Variants in HS3ST3B1 observed in about 807,000 individuals in gnomAD.
The protein encoded by HS3ST3B1 is heparan sulfate-glucosamine 3-sulfotransferase 3B1.
HS3ST3B1 carries 13 observed loss-of-function variants against 21.3 expected under a neutral mutation model. That is an observed-to-expected ratio of 0.61 (90% CI 0.40 to 0.97). The LOEUF is 0.97. Ranked by LOEUF, HS3ST3B1 falls within the 50% of genes least tolerant of loss-of-function variation. The probability of loss-of-function intolerance (pLI) is 0.00; values close to 1 mark genes in which losing one functional copy is unlikely to be tolerated. For synonymous variants in HS3ST3B1, 234 were observed against 254.8 expected, an observed-to-expected ratio of 0.92 and a Z score of 0.78; for missense variants, 459 against 554.8, an observed-to-expected ratio of 0.83 and a Z score of 1.73.
chr17:14,327,447 CTCTGATCTTATCACATTTGTTGT>C (rs1346816930), intron 1 of HS3ST3B1: 3 of 152,158 alleles, frequency 2.0e-5, no homozygotes. Flanking sequence ...AAATAAGGAA[CTCTGATCTTATCACATTTGTTGT>C]GTGTTTTTGC....
intron 1 of HS3ST3B1, among the ~76,000 whole-genome samples, chr17:14,312,849 C>T (rs1177509469): frequency 6.6e-6 from 1 of 151,950 alleles, no homozygotes; most frequent in African/African-American, 2.4e-5. Flanking sequence ...AGGACCCCAC[C>T]CATGGAGACA....
Position 14,345,654 on chromosome 17 carries a change from C to G in HS3ST3B1, c.*8C>G, listed in dbSNP as rs1555550569. 11 of 1,612,824 alleles carry G rather than the reference C, an allele frequency of 6.8e-6. No individual in the cohort carries two copies. The highest frequency in any genetic ancestry group is 9.3e-6 in the Non-Finnish European group (11 of 1,179,116). ...GACTTTGGCTGGGATTGAGCAGACC[C>G]GGGCTATGTACCTTACCCACGTGGC... is the stretch of plus-strand genomic sequence containing the variant. On this transcript the variant is annotated 3_prime_UTR_variant, in exon 2 of 2. Transcript: ENST00000360954.
chr17:14,320,191 T>C (rs1346414142), intron 1 of HS3ST3B1, among the ~76,000 whole-genome samples: 9 of 152,148 alleles, frequency 5.9e-5, no homozygotes, highest in Admixed American at 5.9e-4. Context: ...AAACACAGTA[T>C]GGCATGATAC....
At chr17:14,328,077 G>A (rs1567640916) in intron 1 of HS3ST3B1, 3 of 152,200 alleles carry the variant, frequency 2.0e-5, no homozygotes, top group Admixed American at 6.5e-5. Flanking sequence ...TGAAGAATGG[G>A]AGATGAACGG....
In HS3ST3B1 at chr17:14,302,071, C is replaced by T. The variant is rs752901370; in HGVS notation, c.553C>T (p.Arg185Trp). 6.3e-7 allele frequency: 1 copy of T among 1,595,516 alleles called. No individual in the cohort carries two copies. The highest frequency in any genetic ancestry group is 1.1e-5 in the South Asian group (1 of 89,694). Residue 185 changes from arginine to tryptophan, a missense_variant and splice_region_variant, in exon 1 of 2, where the codon CGG (arginine) becomes TGG (tryptophan). Arg to Trp is a moderately radical substitution (Grantham distance 101). Around this residue, in one of 3 missense-constraint regions of HS3ST3B1, gnomAD observed 317 missense variants for 278.6 expected, o/e 1.14. Coordinates refer to ENST00000360954, the MANE Select transcript of HS3ST3B1 (RefSeq NM_006041.3). ...CTACGACAAGGGCCTCGCTTGGTAC[C>T]GGTGAGTTTCCCTGCCAGGGGCAGG... ...RSYDKGLAWY[R>W]DLMPRTLDGQ...
In HS3ST3B1 at chr17:14,345,855, C is replaced by A; in HGVS notation, c.*209C>A. On this transcript the variant is annotated 3_prime_UTR_variant, in exon 2 of 2. Coordinates refer to ENST00000360954, the MANE Select transcript of HS3ST3B1 (RefSeq NM_006041.3). ...TTTAACTCTAGTATTTCGTTCTCTTCTTCACAATTGATGGTGCTTCTATTT... is the reference window on the plus strand; with the variant it reads ...TTTAACTCTAGTATTTCGTTCTCTTATTCACAATTGATGGTGCTTCTATTT... The A allele has an allele frequency of 1.7e-6, 1 of 575,908 alleles. No individual in the cohort carries two copies. The highest frequency in any genetic ancestry group is 2.8e-6 in the Non-Finnish European group (1 of 351,852). 35.7% of individuals were successfully genotyped at this position (575,908 alleles called of 1,614,324 possible).
Position 14,345,019 on chromosome 17 carries a change from G to C in HS3ST3B1, c.555-9G>C. ...TTCTGATCCCGGTTTGTTTGCTTGC[G>C]TTTCTCAGGGACCTGATGCCCAGAA... On this transcript the variant is annotated splice_polypyrimidine_tract_variant and intron_variant, in intron 1 of 1. Transcript: ENST00000360954. 1 of 1,604,846 alleles carries C rather than the reference G, an allele frequency of 6.2e-7. No individual in the cohort carries two copies. Among genetic ancestry groups the C allele is most frequent in the Non-Finnish European group, 8.5e-7 (1 of 1,173,714 alleles).
At chr17:14,313,314 G>A (rs967346741) in intron 1 of HS3ST3B1, among the ~76,000 whole-genome samples, 11 of 151,404 alleles carry the variant, frequency 7.3e-5, no homozygotes, top group East Asian at 1.9e-4. Context: ...AACTTTATGC[G>A]CTCCACTGAG....
rs528751583 is a variant in HS3ST3B1 at position 14,311,371 on chromosome 17, G to A, written c.554+9299G>A. 1.2e-4 allele frequency among the ~76,000 whole-genome samples: 18 copies of A among 152,138 alleles called. No individual in the cohort carries two copies. The South Asian group carries it at 2.5e-3, about 21-fold the overall frequency. ...TGGAATTACAGGTGTGAGCCACCAC[G>A]CCAGACCCAGACCGTATTTTTAGAG... On this transcript the variant is annotated intron_variant, in intron 1 of 1. Transcript: ENST00000360954.
chr17:14,307,528 G>C (rs1010302245), intron 1 of HS3ST3B1, among the ~76,000 whole-genome samples: 8 of 152,070 alleles, frequency 5.3e-5, no homozygotes, highest in African/African-American at 4.8e-5. Context: ...AAGGTTTTCT[G>C]GTTATATGAA....
intron 1 of HS3ST3B1, among the ~76,000 whole-genome samples, chr17:14,342,930 C>G (rs1302644239): frequency 6.6e-6 from 1 of 152,026 alleles, no homozygotes; most frequent in Non-Finnish European, 1.5e-5. Flanking sequence ...ATATTTTGAT[C>G]TACGTTTACA....
intron 1 of HS3ST3B1, among the ~76,000 whole-genome samples, chr17:14,305,860 A>T (rs1231602897): frequency 1.3e-5 from 2 of 152,160 alleles, no homozygotes; most frequent in African/African-American, 4.8e-5. Context: ...TTTAATCCTC[A>T]TTACAGTTCT....
intron 1 of HS3ST3B1, among the ~76,000 whole-genome samples, chr17:14,317,924 C>T (rs1909547628): frequency 1.3e-5 from 2 of 152,054 alleles, no homozygotes; most frequent in Non-Finnish European, 2.9e-5. Flanking sequence ...GCAGAAAACA[C>T]ATAGATGGTT....
At chr17:14,318,387 C>A (rs1909563664) in intron 1 of HS3ST3B1, among the ~76,000 whole-genome samples, 1 of 152,192 alleles carries the variant, frequency 6.6e-6, no homozygotes, top group Non-Finnish European at 1.5e-5. Context: ...CTGGCTCAAC[C>A]AGGCAGGGTT....
intron 1 of HS3ST3B1, among the ~76,000 whole-genome samples, chr17:14,340,712 A>AGGTAGTAAT (rs1302614307): frequency 6.6e-6 from 1 of 152,090 alleles, no homozygotes; most frequent in East Asian, 1.9e-4. Context: ...CCTCCCGAGT[A>AGGTAGTAAT]GCCAGGATTA....
At chr17:14,306,829 T>A (rs368743733) in intron 1 of HS3ST3B1, among the ~76,000 whole-genome samples, 7 of 149,092 alleles carry the variant, frequency 4.7e-5, no homozygotes, top group Non-Finnish European at 7.4e-5. Flanking sequence ...TGGGTGAAGA[T>A]AAAAAAAAAA....
intron 1 of HS3ST3B1, among the ~76,000 whole-genome samples, chr17:14,310,078 G>A (rs1159600431): frequency 1.3e-5 from 2 of 152,144 alleles, no homozygotes; most frequent in Admixed American, 1.3e-4. Flanking sequence ...CAGATTCAGT[G>A]GATAACAGAA....
At chr17:14,340,357 C>G (rs961460837) in intron 1 of HS3ST3B1, among the ~76,000 whole-genome samples, 1 of 152,152 alleles carries the variant, frequency 6.6e-6, no homozygotes, top group Middle Eastern at 3.4e-3. Context: ...ATCGGTTTAG[C>G]CAGAATTCCC....
intron 1 of HS3ST3B1, among the ~76,000 whole-genome samples, chr17:14,319,819 G>T (rs1909602468): frequency 6.6e-6 from 1 of 152,016 alleles, no homozygotes; most frequent in Non-Finnish European, 1.5e-5. Context: ...AAAAGGTGGT[G>T]TTTGGCTACA....
Sources: gnomAD v4.1 joint callset for allele counts (sites outside exome capture counted in the v4.1 genomes callset) on GRCh38, gnomAD v4.1.1 for gene constraint, gnomAD v4.1.1 regional missense constraint, MANE v1.5 for transcripts, NCBI Gene and HGNC (gene_info 2026-07-23, HGNC 2026-07-21) for gene names.